Variants in ATXN2 observed in about 807,000 individuals in gnomAD.
The protein encoded by ATXN2 is ataxin-2.
Under a neutral mutation model 138.6 loss-of-function variants are expected in ATXN2, and 37 were observed. The ratio of observed to expected loss-of-function variants is 0.27; its 90% CI spans 0.21 to 0.35. ATXN2 has a LOEUF of 0.35. Ranked by LOEUF, ATXN2 falls within the 10% of genes least tolerant of loss-of-function variation. The pLI is 1.00. For missense variants in ATXN2, 1,216 were observed against 1,480.3 expected, an observed-to-expected ratio of 0.82 and a Z score of 2.93; for synonymous variants, 549 against 543.7, an observed-to-expected ratio of 1.01 and a Z score of -0.13.
At chr12:111,599,624 C>T (rs1885173875), upstream of ATXN2, 6 of 1,078,150 alleles carry the variant, frequency 5.6e-6, no homozygotes, top group Non-Finnish European at 6.7e-6. Context: ...GGCCCCGGGG[C>T]CGGGAGGGAC....
intron 5 of ATXN2, among the ~76,000 whole-genome samples, chr12:111,532,638 G>C (rs937395465): frequency 1.4e-4 from 22 of 152,046 alleles, no homozygotes; most frequent in African/African-American, 5.3e-4. Flanking sequence ...AATTTCACTT[G>C]AAGGTTAGTG....
At chr12:111,535,809 G>A (rs1164426211) in intron 5 of ATXN2, among the ~76,000 whole-genome samples, 1 of 151,692 alleles carries the variant, frequency 6.6e-6, no homozygotes, top group East Asian at 2.0e-4. Context: ...GACCATCCCG[G>A]CTAAAACGGT....
chr12:111,541,210 C>A (rs950679744), intron 5 of ATXN2, among the ~76,000 whole-genome samples: 1 of 149,904 alleles, frequency 6.7e-6, no homozygotes, highest in African/African-American at 2.4e-5. Context: ...TCTAATTTGT[C>A]CCCAATGTCC....
intron 1 of ATXN2, among the ~76,000 whole-genome samples, chr12:111,568,178 T>C (rs1313210123): frequency 6.6e-6 from 1 of 152,028 alleles, no homozygotes; most frequent in Non-Finnish European, 1.5e-5. Context: ...GGAGAATCGC[T>C]TGAACCCAGG....
At chr12:111,530,993 C>A (rs1477505703) in intron 5 of ATXN2, among the ~76,000 whole-genome samples, 3 of 151,908 alleles carry the variant, frequency 2.0e-5, no homozygotes, top group African/African-American at 7.3e-5. Context: ...TGGTGCATGC[C>A]TGTAATCCCA....
At chr12:111,572,032 T>G in intron 1 of ATXN2, among the ~76,000 whole-genome samples, 1 of 130,644 alleles carries the variant, frequency 7.7e-6, no homozygotes, top group East Asian at 2.7e-4. Flanking sequence ...AAAAAGGGGC[T>G]TTTAAAATAT....
At chr12:111,573,951 T>C (rs1883483419) in intron 1 of ATXN2, among the ~76,000 whole-genome samples, 1 of 151,716 alleles carries the variant, frequency 6.6e-6, no homozygotes, top group African/African-American at 2.4e-5. Context: ...TGAAATGTTT[T>C]ATATAGAAAA....
At chr12:111,588,780 G>A (rs577626631) in intron 1 of ATXN2, among the ~76,000 whole-genome samples, 5 of 149,074 alleles carry the variant, frequency 3.4e-5, no homozygotes, top group African/African-American at 7.4e-5. Flanking sequence ...TCAAGAGGTC[G>A]GGAGATTGAG....
Position 111,519,706 on chromosome 12 carries a change from GC to G in ATXN2, c.986+172del, listed in dbSNP as rs1880051297. The G allele has an allele frequency of 3.2e-6, 4 of 1,234,844 alleles. No homozygotes were observed. In the Admixed American group the frequency reaches 1.1e-4, roughly 34 times the overall value. 76.5% of individuals were successfully genotyped at this position (1,234,844 alleles called of 1,614,324 possible). ...GGCTCCACAGAGCTTACTCTCAAAA[GC>G]ATATTTTCCAAGATCACCATAACCT... On this transcript the variant is annotated intron_variant, in intron 8 of 24. Coordinates refer to ENST00000673436, the MANE Select transcript of ATXN2 (RefSeq NM_001372574.1).
rs528482008 is a variant in ATXN2, at chr12:111,593,727, A to T, written c.251+5057T>A. On this transcript the variant is annotated intron_variant, in intron 1 of 24. Transcript: ENST00000673436. Reference sequence around the variant, plus strand: ...CTAAACTAATTAGGTAAAATACGTAAGCCCAAAAGAAAAACAAAACATGTC... The same window carrying T: ...CTAAACTAATTAGGTAAAATACGTATGCCCAAAAGAAAAACAAAACATGTC... 3.3e-5 allele frequency among the ~76,000 whole-genome samples: 5 copies of T among 152,358 alleles called. No individual in the cohort carries two copies. In the East Asian group the frequency reaches 9.6e-4, roughly 29 times the overall value.
At chr12:111,519,134 A>G (rs1293714860) in intron 8 of ATXN2, among the ~76,000 whole-genome samples, 11 of 152,170 alleles carry the variant, frequency 7.2e-5, no homozygotes, top group African/African-American at 1.9e-4. Flanking sequence ...TCCCTTAACT[A>G]GGTGGTTACC....
chr12:111,582,397 T>C (rs1244687666), intron 1 of ATXN2, among the ~76,000 whole-genome samples: 3 of 149,962 alleles, frequency 2.0e-5, no homozygotes. Flanking sequence ...GAGCAGAAAT[T>C]GCACCACGCA....
intron 11 of ATXN2, chr12:111,513,050 A>C (rs1213945305): frequency 3.4e-6 from 1 of 291,142 alleles, no homozygotes; most frequent in Non-Finnish European, 6.3e-6. Context: ...ATAGTTTTAC[A>C]ATATATCTGT....
chr12:111,565,131 C>T (rs763565219), intron 1 of ATXN2, among the ~76,000 whole-genome samples: 11 of 151,556 alleles, frequency 7.3e-5, no homozygotes, highest in Non-Finnish European at 1.2e-4. Flanking sequence ...TTAAGTAATG[C>T]TTTATATTAA....
intron 7 of ATXN2, 99 bp from the exon 8 acceptor site, chr12:111,520,175 C>T (rs1880077915): frequency 5.7e-6 from 8 of 1,398,236 alleles, no homozygotes; most frequent in Non-Finnish European, 7.7e-6. Flanking sequence ...GTTTAGAATA[C>T]TGGTAAAAAC....
rs749778825 is a variant in ATXN2 at position 111,456,177 on chromosome 12, G to A, written c.3122C>T (p.Ala1041Val). 13 of 1,614,138 alleles carry A rather than the reference G, an allele frequency of 8.1e-6. No individual in the cohort carries two copies. Among genetic ancestry groups the A allele is most frequent in the South Asian group, 5.5e-5 (5 of 91,092 alleles). ...QQSAIYHAGLAPTPPSMTPAS... is the reference protein window; with the variant it reads ...QQSAIYHAGLVPTPPSMTPAS... ...AGGTGTCATGGAGGGTGGAGTTGGC[G>A]CAAGCCCCGCGTGGTAAATGGCTGA... The change falls in exon 23 of 25, where the codon GCG becomes GTG. Residue 1041 changes from alanine (A) to valine (V), a missense_variant. By Grantham distance (64) the Ala-to-Val change is moderately conservative. This residue lies in a region of ATXN2 where 490 missense variants were observed against 653.5 expected (regional missense o/e 0.75). Coordinates refer to ENST00000673436, the MANE Select transcript of ATXN2 (RefSeq NM_001372574.1).
At chr12:111,489,765 A>G (rs964744765) in intron 14 of ATXN2, among the ~76,000 whole-genome samples, 1 of 152,030 alleles carries the variant, frequency 6.6e-6, no homozygotes, top group Non-Finnish European at 1.5e-5. Context: ...CATTTAAAAA[A>G]TAATAATAAA....
At chr12:111,578,782 T>C (rs926749425) in intron 1 of ATXN2, among the ~76,000 whole-genome samples, 2 of 152,164 alleles carry the variant, frequency 1.3e-5, no homozygotes, top group African/African-American at 2.4e-5. Context: ...GGCTCATATC[T>C]ATAATCCCAG....
intron 1 of ATXN2, among the ~76,000 whole-genome samples, chr12:111,587,981 G>C (rs1397671484): frequency 1.3e-5 from 2 of 151,888 alleles, no homozygotes; most frequent in African/African-American, 4.8e-5. Flanking sequence ...ATCACTCGAG[G>C]CCATGAGTTC....
Sources: allele counts gnomAD v4.1 joint callset (sites outside exome capture counted in the v4.1 genomes callset), GRCh38; gene constraint gnomAD v4.1.1; regional missense constraint gnomAD v4.1.1; transcripts MANE v1.5; gene names NCBI Gene and HGNC (gene_info 2026-07-23, HGNC 2026-07-21).